Variants in RAPGEF5 observed in about 807,000 individuals in gnomAD.
RAPGEF5 encodes M-Ras-regulated GEF.
In RAPGEF5, 65 loss-of-function variants were observed where a neutral mutation model predicts 125.2. That is an observed-to-expected ratio of 0.52 (90% CI 0.43 to 0.64). The LOEUF is 0.64. Among genes scored for constraint, RAPGEF5 ranks in the 30% least tolerant of loss-of-function variants. The probability of loss-of-function intolerance (pLI) is 0.00; values close to 1 mark genes in which losing one functional copy is unlikely to be tolerated. For missense variants in RAPGEF5, 958 were observed against 1,048.1 expected (o/e 0.91, Z 1.19); for synonymous variants, 391 against 385.9 (o/e 1.01, Z -0.16).
At chr7:22,139,906 A>G in intron 21 of RAPGEF5, 119 bp downstream of exon 21, 1 of 849,712 alleles carries the variant, frequency 1.2e-6, no homozygotes, top group Non-Finnish European at 1.8e-6. Context: ...AAAGATCCCT[A>G]CCACCTTGAC....
chr7:22,139,380 G>T (rs1360247679), intron 21 of RAPGEF5, among the ~76,000 whole-genome samples: 3 of 152,152 alleles, frequency 2.0e-5, no homozygotes, highest in African/African-American at 7.2e-5. Flanking sequence ...AGGACGGTGA[G>T]GGGACCATGA....
intron 18 of RAPGEF5, among the ~76,000 whole-genome samples, chr7:22,149,188 C>T (rs535380686): frequency 2.2e-3 from 329 of 152,304 alleles, no homozygotes; most frequent in South Asian, 2.3e-3. Context: ...AATTACTCAG[C>T]ACATACAGAT....
chr7:22,233,357 A>G (rs77142091), intron 7 of RAPGEF5, among the ~76,000 whole-genome samples: 4,787 of 152,328 alleles, frequency 0.031, 244 homozygotes, highest in African/African-American at 0.11. Flanking sequence ...TTTGCTCTTT[A>G]AAGTGCTAAT....
intron 1 of RAPGEF5, among the ~76,000 whole-genome samples, chr7:22,340,739 G>A (rs536826595): frequency 3.3e-5 from 5 of 152,182 alleles, no homozygotes; most frequent in East Asian, 3.9e-4. Context: ...CCTCTGGTCC[G>A]TTCCCCCTAA....
intron 10 of RAPGEF5, 39 bp downstream of exon 10, chr7:22,193,876 C>T (rs376887944): frequency 4.3e-6 from 7 of 1,611,872 alleles, no homozygotes; most frequent in Non-Finnish European, 5.1e-6. Flanking sequence ...GAAAAGGAAA[C>T]GGGAGCGCGT....
intron 9 of RAPGEF5, among the ~76,000 whole-genome samples, chr7:22,205,010 A>T (rs1169279385): frequency 6.6e-6 from 1 of 152,144 alleles, no homozygotes; most frequent in Non-Finnish European, 1.5e-5. Flanking sequence ...AGACTGGGGG[A>T]ACAAAAAAGG....
intron 1 of RAPGEF5, among the ~76,000 whole-genome samples, chr7:22,331,915 G>C (rs1344587398): frequency 6.6e-6 from 1 of 152,114 alleles, no homozygotes; most frequent in Non-Finnish European, 1.5e-5. Flanking sequence ...GAGGAAACTT[G>C]TTGAAAGTAA....
intron 12 of RAPGEF5, 34 bp downstream of exon 12, chr7:22,167,036 G>T: frequency 5.2e-6 from 8 of 1,545,416 alleles, no homozygotes; most frequent in Non-Finnish European, 7.1e-6. Flanking sequence ...CTGAGAGGAA[G>T]TGGACACAGC....
chr7:22,291,646 C>T lies in RAPGEF5; in HGVS notation c.681-405G>A, dbSNP rs886172287. ...GAAAATATGAAATGTGAACTTTCCACTGAAATTGAGTTTTAGCCAAAACAA... is the reference window on the plus strand; with the variant it reads ...GAAAATATGAAATGTGAACTTTCCATTGAAATTGAGTTTTAGCCAAAACAA... On this transcript the variant is annotated intron_variant, in intron 5 of 25. Transcript: ENST00000665637. 3.3e-5 allele frequency among the ~76,000 whole-genome samples: 5 copies of T among 152,108 alleles called. No individual in the cohort carries two copies. The South Asian group carries it at 6.2e-4, about 19-fold the overall frequency.
chr7:22,191,128 G>A (rs557904455), intron 11 of RAPGEF5, among the ~76,000 whole-genome samples: 13 of 152,238 alleles, frequency 8.5e-5, no homozygotes, highest in Admixed American at 3.3e-4. Flanking sequence ...CTTTGTCAGC[G>A]ACAAGGGGTC....
At chr7:22,197,895 G>GT (rs1554327477) in intron 9 of RAPGEF5, among the ~76,000 whole-genome samples, 3 of 129,518 alleles carry the variant, frequency 2.3e-5, no homozygotes, top group Non-Finnish European at 5.1e-5. Context: ...TTTTTTTTTG[G>GT]GGGGGGGTGG....
At chr7:22,200,726 T>TA (rs1329024708) in intron 9 of RAPGEF5, among the ~76,000 whole-genome samples, 1 of 152,180 alleles carries the variant, frequency 6.6e-6, no homozygotes, top group Non-Finnish European at 1.5e-5. Context: ...AAACTGTATG[T>TA]ATTCAATCTC....
chr7:22,192,967 G>A (rs1785041830), intron 11 of RAPGEF5: 1 of 219,682 alleles, frequency 4.6e-6, no homozygotes, highest in Non-Finnish European at 9.0e-6. Context: ...TTTCAGCACG[G>A]AGGCTGCTGC....
At chr7:22,181,052 G>A (rs1318700928) in intron 11 of RAPGEF5, among the ~76,000 whole-genome samples, 1 of 152,128 alleles carries the variant, frequency 6.6e-6, no homozygotes, top group Non-Finnish European at 1.5e-5. Context: ...AGATCAAACT[G>A]AACCAAGACA....
At chr7:22,158,686 C>T (rs1389858094) in intron 14 of RAPGEF5, among the ~76,000 whole-genome samples, 2 of 85,978 alleles carry the variant, frequency 2.3e-5, no homozygotes, top group Admixed American at 2.7e-4. Context: ...AGTGCAGTGG[C>T]GTGATCACTC....
At position 22,154,500 on chromosome 7, in the gene RAPGEF5, A is replaced by T; in HGVS notation, c.1741T>A (p.Tyr581Asn). 1.2e-6 allele frequency: 2 copies of T among 1,613,896 alleles called. No homozygotes were observed. Among genetic ancestry groups the T allele is most frequent in the Non-Finnish European group, 1.7e-6 (2 of 1,179,830 alleles). Residue 581 changes from tyrosine (Y) to asparagine (N), a missense_variant, in exon 17 of 26, where the codon TAT becomes AAT. Transcript: ENST00000665637. The stretch of plus-strand genomic sequence containing the variant: ...ACCAGAGCCAGATCCTCTTCTGCAT[A>T]CTGGATCTTTTCTGCCACGACTTTT... ...ILKVVAEKIQYAEEDLALVAI... is the reference protein window; with the variant it reads ...ILKVVAEKIQNAEEDLALVAI...
chr7:22,246,531 A>G (rs1786481446), intron 7 of RAPGEF5, among the ~76,000 whole-genome samples: 1 of 152,194 alleles, frequency 6.6e-6, no homozygotes, highest in Non-Finnish European at 1.5e-5. Flanking sequence ...CCAATATACA[A>G]AAGAATGAAA....
chr7:22,210,530 C>T (rs1255215730), intron 9 of RAPGEF5, among the ~76,000 whole-genome samples: 1 of 152,136 alleles, frequency 6.6e-6, no homozygotes, highest in Admixed American at 6.6e-5. Context: ...TTTTTTGAGC[C>T]TTCTTGTGAA....
chr7:22,198,023 G>A (rs1314146267), intron 9 of RAPGEF5, among the ~76,000 whole-genome samples: 1 of 151,750 alleles, frequency 6.6e-6, no homozygotes, highest in Non-Finnish European at 1.5e-5. Flanking sequence ...CTGAGTACCT[G>A]GGACTACAGG....
Sources: gnomAD v4.1 joint callset for allele counts (sites outside exome capture counted in the v4.1 genomes callset) on GRCh38, gnomAD v4.1.1 for gene constraint, MANE v1.5 for transcripts, NCBI Gene and HGNC (gene_info 2026-07-23, HGNC 2026-07-21) for gene names.